CCDC148: variants seen among roughly 807,000 people sequenced by gnomAD.
CCDC148 encodes the protein coiled-coil domain containing 148.
CCDC148 carries 89 observed loss-of-function variants against 85.7 expected under a neutral mutation model. That is an observed-to-expected ratio of 1.04 (90% CI 0.87 to 1.24). The LOEUF is 1.24. Among genes scored for constraint, CCDC148 ranks in the 50% most tolerant of loss-of-function variants. The pLI is 0.00. For synonymous variants in CCDC148, 230 were observed against 213.9 expected, an observed-to-expected ratio of 1.08 and a Z score of -0.66; for missense variants, 692 against 671.7, an observed-to-expected ratio of 1.03 and a Z score of -0.33.
At chr2:158,412,383 A>G (rs567732729) in intron 1 of CCDC148, among the ~76,000 whole-genome samples, 28 of 152,320 alleles carry the variant, frequency 1.8e-4, no homozygotes, top group Non-Finnish European at 3.4e-4. Context: ...TGGGACTCCT[A>G]GTCGGTCATC....
chr2:158,313,161 G>A (rs570670155), intron 8 of CCDC148, among the ~76,000 whole-genome samples: 1 of 152,266 alleles, frequency 6.6e-6, no homozygotes, highest in East Asian at 1.9e-4. Context: ...TGTTCTTGTT[G>A]ACTAAAGAAT....
chr2:158,364,270 A>G (rs1684102126), intron 1 of CCDC148, among the ~76,000 whole-genome samples: 1 of 152,238 alleles, frequency 6.6e-6, no homozygotes, highest in Non-Finnish European at 1.5e-5. Flanking sequence ...TATCCCTATC[A>G]AGCTACCACT....
chr2:158,234,909 G>T (rs772259880), intron 10 of CCDC148, among the ~76,000 whole-genome samples: 1 of 152,064 alleles, frequency 6.6e-6, no homozygotes, highest in Non-Finnish European at 1.5e-5. Context: ...TTGTATGCTT[G>T]CTTGCATTTT....
chr2:158,451,148 A>C (rs1318593076), intron 1 of CCDC148, among the ~76,000 whole-genome samples: 2 of 151,860 alleles, frequency 1.3e-5, no homozygotes, highest in African/African-American at 4.8e-5. Flanking sequence ...TCTTTTTCAT[A>C]GTTTCTATTT....
rs188053612 is a variant in CCDC148 at position 158,325,006 on chromosome 2, C to T, written c.765-11112G>A. ...AACTCCAAGGCATCATTCAGCAATT[C>T]CCCTCTCGCCTGCATCTTCAGAGTT... On this transcript the variant is annotated intron_variant, in intron 7 of 13. Coordinates refer to ENST00000283233, the MANE Select transcript of CCDC148 (RefSeq NM_138803.4). 9.2e-3 allele frequency among the ~76,000 whole-genome samples: 1,399 copies of T among 151,972 alleles called. 6 individuals are homozygous for T. Among genetic ancestry groups the T allele is most frequent in the Non-Finnish European group, 0.014 (953 of 67,968 alleles).
chr2:158,422,900 A>G (rs1241230626), intron 1 of CCDC148, among the ~76,000 whole-genome samples: 1 of 151,868 alleles, frequency 6.6e-6, no homozygotes, highest in Admixed American at 6.6e-5. Flanking sequence ...AGGATACAAA[A>G]TCAATGTGCA....
Position 158,309,560 on chromosome 2 carries a change from T to C in CCDC148, c.983A>G (p.Asn328Ser). 1 of 1,613,638 alleles carries C rather than the reference T, an allele frequency of 6.2e-7. No individual in the cohort carries two copies. Among genetic ancestry groups the C allele is most frequent in the Non-Finnish European group, 8.5e-7 (1 of 1,179,556 alleles). The change falls in exon 9 of 14, where the codon AAT becomes AGT. Residue 328 changes from asparagine (N) to serine (S), a missense_variant. Physicochemically the swap from Asn to Ser is conservative, Grantham distance 46. Coordinates refer to ENST00000283233, the MANE Select transcript of CCDC148 (RefSeq NM_138803.4). ...QNILISNWNK[N>S]KKDFIQKAVL... ...AGCCTTCTGTATAAAGTCTTTCTTA[T>C]TTTTATTCCAATTTGATATCAGGAT...
At chr2:158,187,249 C>T (rs562410325) in intron 11 of CCDC148, among the ~76,000 whole-genome samples, 2 of 152,070 alleles carry the variant, frequency 1.3e-5, no homozygotes, top group East Asian at 3.9e-4. Context: ...AATCTAGTTG[C>T]TGCTAGGATC....
chr2:158,384,071 T>C (rs1361508204), intron 1 of CCDC148, among the ~76,000 whole-genome samples: 1 of 152,190 alleles, frequency 6.6e-6, no homozygotes, highest in African/African-American at 2.4e-5. Context: ...GCCCAGAATA[T>C]GCATCTGGCA....
intron 1 of CCDC148, among the ~76,000 whole-genome samples, chr2:158,435,290 T>C (rs1028737952): frequency 1.3e-5 from 2 of 152,036 alleles, no homozygotes; most frequent in African/African-American, 4.8e-5. Flanking sequence ...CGGCAGAAAC[T>C]CTCCAAGCCA....
At chr2:158,189,263 A>G (rs1355490773) in intron 11 of CCDC148, among the ~76,000 whole-genome samples, 1 of 151,866 alleles carries the variant, frequency 6.6e-6, no homozygotes, top group African/African-American at 2.4e-5. Context: ...ATTCTTGTAA[A>G]TCAATTCATT....
rs148989150 is a variant in CCDC148, at chr2:158,358,472, C to G, written c.124G>C (p.Ala42Pro). The change falls in exon 2 of 14, where the codon GCT (alanine) becomes CCT (proline). Residue 42 changes from alanine (A) to proline (P), a missense_variant. Physicochemically the swap from Ala to Pro is conservative, Grantham distance 27. Coordinates refer to ENST00000283233, the MANE Select transcript of CCDC148 (RefSeq NM_138803.4). ...ACCTTTAGCTTTGCAGAGGCAGAAG[C>G]CAATTTCTTTGCTTCAGTTAATGCA... ...LRALTEAKKL[A>P]SASAKLKIRK... 327 of 1,606,886 alleles carry G rather than the reference C, an allele frequency of 2.0e-4. 1 individual carries two copies. In the African/African-American group the frequency reaches 4.1e-3, roughly 20 times the overall value.
chr2:158,335,333 A>C (rs1356088724), intron 7 of CCDC148, among the ~76,000 whole-genome samples: 1 of 152,198 alleles, frequency 6.6e-6, no homozygotes, highest in African/African-American at 2.4e-5. Flanking sequence ...CAAAGTTCAT[A>C]GTGAATTTTG....
chr2:158,443,213 C>T (rs1449141961), intron 1 of CCDC148, among the ~76,000 whole-genome samples: 1 of 151,860 alleles, frequency 6.6e-6, no homozygotes, highest in Non-Finnish European at 1.5e-5. Flanking sequence ...GTGGCTTACA[C>T]CTGTAATGTC....
chr2:158,313,647 GA>G (rs1205669226), intron 8 of CCDC148, 108 bp downstream of exon 8: 1 of 1,151,064 alleles, frequency 8.7e-7, no homozygotes, highest in Admixed American at 2.6e-5. Context: ...TAGAGGGTAG[GA>G]AAAAAATAAT....
chr2:158,404,259 C>T (rs756156271), intron 1 of CCDC148, among the ~76,000 whole-genome samples: 3 of 152,040 alleles, frequency 2.0e-5, no homozygotes, highest in Non-Finnish European at 4.4e-5. Context: ...AGGATGGAAG[C>T]GCACCCTAAC....
rs542173315 is a variant in CCDC148, at chr2:158,254,831, T to C, written c.1111-3919A>G. On this transcript the variant is annotated intron_variant, in intron 9 of 13. Transcript: ENST00000283233. ...TGATTTAAAGAAGCAAAAGCATAAATCAAAATCTATAAATGGAAAAGATTT... is the reference window on the plus strand; with the variant it reads ...TGATTTAAAGAAGCAAAAGCATAAACCAAAATCTATAAATGGAAAAGATTT... Among the ~76,000 whole-genome samples, 59 of 151,620 alleles carry C rather than the reference T, an allele frequency of 3.9e-4. 2 individuals carry two copies. The South Asian group carries it at 0.012, about 31-fold the overall frequency.
chr2:158,257,795 G>T (rs1021617631), intron 9 of CCDC148, among the ~76,000 whole-genome samples: 13 of 151,672 alleles, frequency 8.6e-5, no homozygotes, highest in Non-Finnish European at 1.0e-4. Flanking sequence ...TCATTTAATT[G>T]GGTCCTGGAG....
At chr2:158,224,592 T>C (rs1687390936) in intron 10 of CCDC148, among the ~76,000 whole-genome samples, 1 of 152,162 alleles carries the variant, frequency 6.6e-6, no homozygotes, top group Admixed American at 6.5e-5. Context: ...CCCATAAGAC[T>C]AACAGCTGAT....
Sources: allele counts gnomAD v4.1 joint callset (sites outside exome capture counted in the v4.1 genomes callset), GRCh38; gene constraint gnomAD v4.1.1; transcripts MANE v1.5; gene names NCBI Gene and HGNC (gene_info 2026-07-23, HGNC 2026-07-21).